Variants in LRRC4C observed in about 807,000 individuals in gnomAD.
LRRC4C encodes leucine rich repeat containing 4C.
Under a neutral mutation model 33.6 loss-of-function variants are expected in LRRC4C, and 5 were observed. The ratio of observed to expected loss-of-function variants is 0.15; its 90% CI spans 0.08 to 0.31. The LOEUF is 0.31. Among genes scored for constraint, LRRC4C ranks in the 10% least tolerant of loss-of-function variants. The probability of loss-of-function intolerance (pLI) is 1.00; values close to 1 mark genes in which losing one functional copy is unlikely to be tolerated. For synonymous variants in LRRC4C, 329 were observed against 302.0 expected (o/e 1.09, Z -0.93); for missense variants, 560 against 796.7 (o/e 0.70, Z 3.58).
chr11:41,412,115 C>A (rs549912289), intron 1 of LRRC4C, among the ~76,000 whole-genome samples: 1 of 152,180 alleles, frequency 6.6e-6, no homozygotes, highest in Non-Finnish European at 1.5e-5. Context: ...TGTTTTTGAA[C>A]TGCTTGGTAG....
At chr11:40,149,308 C>T (rs375330166) in intron 5 of LRRC4C, among the ~76,000 whole-genome samples, 1 of 152,204 alleles carries the variant, frequency 6.6e-6, no homozygotes, top group African/African-American at 2.4e-5. Context: ...ATGATTCTTC[C>T]TGTTCATGAG....
chr11:40,967,674 C>T (rs2136951110), intron 1 of LRRC4C, among the ~76,000 whole-genome samples: 1 of 151,956 alleles, frequency 6.6e-6, no homozygotes, highest in South Asian at 2.1e-4. Flanking sequence ...AAATCATGCC[C>T]ATATAAGACA....
intron 3 of LRRC4C, among the ~76,000 whole-genome samples, chr11:40,582,351 T>C (rs919153535): frequency 1.3e-5 from 2 of 152,140 alleles, no homozygotes; most frequent in African/African-American, 4.8e-5. Context: ...AATATTTTTT[T>C]CTATACTTAG....
chr11:41,431,244 T>C (rs1590257904), intron 1 of LRRC4C, among the ~76,000 whole-genome samples: 1 of 152,194 alleles, frequency 6.6e-6, no homozygotes. Flanking sequence ...AAAACAGTAA[T>C]ATTAACCAAG....
chr11:41,147,493 T>G (rs1943780279), intron 1 of LRRC4C, among the ~76,000 whole-genome samples: 1 of 152,236 alleles, frequency 6.6e-6, no homozygotes, highest in Admixed American at 6.5e-5. Flanking sequence ...ACTGCTTTTC[T>G]TCCTTAGTCT....
intron 1 of LRRC4C, among the ~76,000 whole-genome samples, chr11:41,091,895 T>C (rs556852554): frequency 2.6e-5 from 4 of 152,194 alleles, no homozygotes; most frequent in East Asian, 3.9e-4. Flanking sequence ...GTTCTCACAA[T>C]TGGAAAATAG....
chr11:40,305,609 CAAAA>C (rs78364325), intron 4 of LRRC4C, among the ~76,000 whole-genome samples: 1 of 96,454 alleles, frequency 1.0e-5, no homozygotes. Context: ...TTGTCAAATA[CAAAA>C]AAAAAAAAAA....
intron 3 of LRRC4C, among the ~76,000 whole-genome samples, chr11:40,425,122 G>A (rs1950662158): frequency 8.2e-6 from 1 of 122,118 alleles, no homozygotes; most frequent in Admixed American, 8.4e-5. Flanking sequence ...TCTCATCTTT[G>A]TGGGGAAAAA....
intron 2 of LRRC4C, among the ~76,000 whole-genome samples, chr11:40,650,532 A>AT (rs1208545489): frequency 6.6e-6 from 1 of 152,166 alleles, no homozygotes; most frequent in Non-Finnish European, 1.5e-5. Context: ...ATGCATTCCT[A>AT]TTTTTATAGA....
At chr11:40,647,963 A>G (rs1942565964) in intron 3 of LRRC4C, among the ~76,000 whole-genome samples, 179 bp downstream of exon 3, 1 of 152,224 alleles carries the variant, frequency 6.6e-6, no homozygotes, top group Non-Finnish European at 1.5e-5. Flanking sequence ...CCAAATGAAC[A>G]AGATGAAATG....
intron 3 of LRRC4C, among the ~76,000 whole-genome samples, chr11:40,625,427 G>C (rs573812677): frequency 6.6e-6 from 1 of 152,186 alleles, no homozygotes; most frequent in African/African-American, 2.4e-5. Context: ...GCAGGCAAGA[G>C]AGTGTGTGCA....
At chr11:40,555,501 C>A (rs965732272) in intron 3 of LRRC4C, among the ~76,000 whole-genome samples, 1 of 152,198 alleles carries the variant, frequency 6.6e-6, no homozygotes, top group Admixed American at 6.5e-5. Flanking sequence ...TTTTATGAAC[C>A]TTTCTTGCTC....
intron 1 of LRRC4C, among the ~76,000 whole-genome samples, chr11:40,958,502 G>A (rs1428044609): frequency 6.6e-6 from 1 of 151,672 alleles, no homozygotes; most frequent in Non-Finnish European, 1.5e-5. Context: ...CTATAAGTTT[G>A]AGTATTCCAT....
At chr11:40,883,895 T>TTG (rs1955305448) in intron 2 of LRRC4C, among the ~76,000 whole-genome samples, 1 of 149,660 alleles carries the variant, frequency 6.7e-6, no homozygotes, top group African/African-American at 2.4e-5. Context: ...ATAAGCTAGT[T>TTG]TTTTTTTTTT....
intron 4 of LRRC4C, among the ~76,000 whole-genome samples, chr11:40,245,290 T>C (rs1866240877): frequency 6.6e-6 from 1 of 152,222 alleles, no homozygotes; most frequent in South Asian, 2.1e-4. Flanking sequence ...TAGATTTTAC[T>C]CTATTATTTG....
chr11:41,142,702 A>C (rs1442099076), intron 1 of LRRC4C, among the ~76,000 whole-genome samples: 1 of 152,198 alleles, frequency 6.6e-6, no homozygotes. Flanking sequence ...ATAACAAAAA[A>C]AAAGGCTCCC....
At chr11:40,731,319 AAAAT>A (rs1410266430) in intron 2 of LRRC4C, among the ~76,000 whole-genome samples, 2 of 127,132 alleles carry the variant, frequency 1.6e-5, no homozygotes, top group African/African-American at 3.0e-5. Context: ...ACTCCGTCTC[AAAAT>A]AAATAAATAA....
intron 2 of LRRC4C, among the ~76,000 whole-genome samples, chr11:40,789,770 G>T (rs915402412): frequency 1.3e-5 from 2 of 152,050 alleles, no homozygotes; most frequent in Admixed American, 1.3e-4. Context: ...ATCTTCCAAG[G>T]TAATGAAGAA....
chr11:41,328,136 C>T (rs1951180165), intron 1 of LRRC4C, among the ~76,000 whole-genome samples: 1 of 152,194 alleles, frequency 6.6e-6, no homozygotes. Flanking sequence ...GGTACCCCTA[C>T]TACTCTGCCA....
Sources: gnomAD v4.1 joint callset for allele counts (sites outside exome capture counted in the v4.1 genomes callset) on GRCh38, gnomAD v4.1.1 for gene constraint, MANE v1.5 for transcripts, NCBI Gene and HGNC (gene_info 2026-07-23, HGNC 2026-07-21) for gene names.